The following CAMSAP2 variants were observed in gnomAD, a reference collection of about 807,000 sequenced individuals.
CAMSAP2 encodes calmodulin regulated spectrin associated protein family member 2.
CAMSAP2 carries 26 observed loss-of-function variants against 146.1 expected under a neutral mutation model. The ratio of observed to expected loss-of-function variants is 0.18; its 90% CI spans 0.13 to 0.25. CAMSAP2 has a LOEUF of 0.25. Ranked by LOEUF, CAMSAP2 falls within the 10% of genes least tolerant of loss-of-function variation. CAMSAP2 has a pLI of 1.00. For synonymous variants in CAMSAP2, 499 were observed against 596.6 expected, an observed-to-expected ratio of 0.84 and a Z score of 2.38; for missense variants, 1,381 against 1,759.3, an observed-to-expected ratio of 0.78 and a Z score of 3.85.
At chr1:200,777,263 G>A (rs1665306881) in intron 2 of CAMSAP2, among the ~76,000 whole-genome samples, 1 of 151,976 alleles carries the variant, frequency 6.6e-6, no homozygotes, top group South Asian at 2.1e-4. Context: ...TAAAGGGATG[G>A]GCCCCTTTAT....
In CAMSAP2 at chr1:200,857,963, T is replaced by C; in HGVS notation, c.4341T>C (p.Thr1447=). ...RKQFSHIPAK[T]LSASVDAITI... ...AGTTTAGCCACATACCCGCTAAAAC[T>C]TTATCTGCCAGTGTTGATGCAATTA... The change falls in exon 17 of 17, where the codon ACT becomes ACC. Residue 1447 remains threonine, a synonymous_variant. Transcript: ENST00000358823. This position sits in a 1 kb window ranked among gnomAD's most constrained non-coding sequence, Gnocchi z 4.7. The C allele has an allele frequency of 1.9e-6, 3 of 1,613,874 alleles. No homozygotes were observed. The highest frequency in any genetic ancestry group is 2.5e-6 in the Non-Finnish European group (3 of 1,179,814).
intron 1 of CAMSAP2, among the ~76,000 whole-genome samples, chr1:200,743,198 G>T (rs1195261308): frequency 3.3e-5 from 5 of 152,158 alleles, no homozygotes; most frequent in African/African-American, 7.2e-5. Context: ...TCCTTTGGGG[G>T]AAATGGTAGA....
chr1:200,785,930 T>C (rs1665577593), intron 2 of CAMSAP2, among the ~76,000 whole-genome samples: 1 of 152,142 alleles, frequency 6.6e-6, no homozygotes, highest in South Asian at 2.1e-4. Context: ...TCTCAAATGA[T>C]CCACCTGCCT....
chr1:200,846,222 G>A (rs1428377696), intron 8 of CAMSAP2, among the ~76,000 whole-genome samples: 1 of 152,154 alleles, frequency 6.6e-6, no homozygotes. Flanking sequence ...CTTCCTTGAA[G>A]ATTTAGAAAA....
At chr1:200,845,477 G>A (rs1164998073) in intron 8 of CAMSAP2, among the ~76,000 whole-genome samples, 2 of 152,038 alleles carry the variant, frequency 1.3e-5, no homozygotes, top group African/African-American at 4.8e-5. Flanking sequence ...TTAGTAGGCT[G>A]GTTAACTGTA....
At chr1:200,783,932 C>A (rs1412852486) in intron 2 of CAMSAP2, among the ~76,000 whole-genome samples, 1 of 151,842 alleles carries the variant, frequency 6.6e-6, no homozygotes, top group African/African-American at 2.4e-5. Flanking sequence ...GATTTTTTTC[C>A]CCTATGTTTT....
At chr1:200,839,267 T>A (rs1419015644) in intron 6 of CAMSAP2, among the ~76,000 whole-genome samples, 1 of 152,122 alleles carries the variant, frequency 6.6e-6, no homozygotes. Context: ...GTTAGGGGAA[T>A]GATGTGACTC....
rs1339630259 is a variant in CAMSAP2 at position 200,853,201 on chromosome 1, C to A, written c.3603-74C>A. On this transcript the variant is annotated intron_variant, in intron 12 of 16. Transcript: ENST00000358823. This position sits in a 1 kb window ranked among gnomAD's most constrained non-coding sequence, Gnocchi z 5.1. ...GAAATAGAATTCTCCTTTCTCATAT[C>A]AAATACATAACTCTCTCCTGTATGG... 6 of 1,292,456 alleles carry A rather than the reference C, an allele frequency of 4.6e-6. No homozygotes were observed. Among genetic ancestry groups the A allele is most frequent in the Non-Finnish European group, 6.5e-6 (6 of 917,262 alleles). 80.1% of individuals were successfully genotyped at this position (1,292,456 alleles called of 1,614,324 possible). A position where few individuals can be genotyped will look rare whatever the true frequency, so the allele number is the denominator to read the frequency against.
rs966848785 is a variant in CAMSAP2, at chr1:200,843,862, T to G, written c.1022-920T>G. 4.5e-3 allele frequency among the ~76,000 whole-genome samples: 683 copies of G among 151,796 alleles called. 7 individuals are homozygous for G. Among genetic ancestry groups the G allele is most frequent in the African/African-American group, 0.016 (658 of 41,248 alleles). ...TTGTTTTTTTTTTGTTTGTTTGTTT[T>G]TGTTTTGTTTTGTTTTGTTTTGTTT... is the stretch of plus-strand genomic sequence containing the variant. On this transcript the variant is annotated intron_variant, in intron 7 of 16. Transcript: ENST00000358823.
At chr1:200,775,925 G>C (rs1308864105) in intron 2 of CAMSAP2, among the ~76,000 whole-genome samples, 2 of 151,878 alleles carry the variant, frequency 1.3e-5, no homozygotes, top group Admixed American at 1.3e-4. Flanking sequence ...TAAGTACAGA[G>C]TGCTATGCCA....
At chr1:200,752,352 A>G (rs756718220) in intron 1 of CAMSAP2, among the ~76,000 whole-genome samples, 1 of 152,172 alleles carries the variant, frequency 6.6e-6, no homozygotes, top group Non-Finnish European at 1.5e-5. Flanking sequence ...GTAAATTATT[A>G]ACCTGGTTCT....
In CAMSAP2 at chr1:200,832,720, G is replaced by A; in HGVS notation, c.802G>A (p.Glu268Lys). The A allele has an allele frequency of 6.3e-7, 1 of 1,596,834 alleles. No homozygotes were observed. Among genetic ancestry groups the A allele is most frequent in the Non-Finnish European group, 8.5e-7 (1 of 1,174,504 alleles). The change falls in exon 6 of 17, where the codon GAA (glutamate) becomes AAA (lysine). Residue 268 changes from glutamate to lysine, a missense_variant. Glu to Lys is a moderately conservative substitution (Grantham distance 56). Coordinates refer to ENST00000358823, the MANE Select transcript of CAMSAP2 (RefSeq NM_203459.4). This position sits in a 1 kb window ranked among gnomAD's most constrained non-coding sequence, Gnocchi z 4.2. ...CTTATTTGAAGATATTTGTTTGAAA[G>A]AAACTATGTCTTTGGCTGATAGCCT... ...VVRLEDICLK[E>K]TMSLADSLYN...
At chr1:200,856,157 T>C in intron 15 of CAMSAP2, 32 bp downstream of exon 15, 1 of 1,472,828 alleles carries the variant, frequency 6.8e-7, no homozygotes, top group Non-Finnish European at 9.4e-7. Context: ...GAGAAACATT[T>C]GAATTTAACA....
At chr1:200,788,816 AT>A (rs35901761) in intron 2 of CAMSAP2, among the ~76,000 whole-genome samples, 45,988 of 138,138 alleles carry the variant, frequency 0.33, 8,016 homozygotes, top group East Asian at 0.52. Flanking sequence ...TGACTTTTGT[AT>A]TTTTTTTTTT....
chr1:200,770,417 AT>A (rs1244979428), intron 2 of CAMSAP2, among the ~76,000 whole-genome samples: 2 of 144,796 alleles, frequency 1.4e-5, no homozygotes, highest in African/African-American at 2.6e-5. Flanking sequence ...TCCCCCTACT[AT>A]TTCTTTTTTT....
intron 2 of CAMSAP2, among the ~76,000 whole-genome samples, chr1:200,788,830 T>C (rs1467173744): frequency 6.6e-6 from 1 of 151,470 alleles, no homozygotes. Flanking sequence ...TTTTTTTTTT[T>C]TAGTAGAGAC....
chr1:200,816,699 T>C lies in CAMSAP2; in HGVS notation c.645+1055T>C, dbSNP rs750626001. 3.9e-5 allele frequency among the ~76,000 whole-genome samples: 5 copies of C among 128,692 alleles called. 2 individuals are homozygous for C. Among genetic ancestry groups the C allele is most frequent in the Non-Finnish European group, 6.9e-5 (4 of 57,958 alleles). 84.4% of individuals were successfully genotyped at this position (128,692 alleles called of 152,430 possible). A position where few individuals can be genotyped will look rare whatever the true frequency, so the allele number is the denominator to read the frequency against. ...ATGTGTGTATATGTACATGCACACA[T>C]ATATGTGTATATATACACACGCACA... On this transcript the variant is annotated intron_variant, in intron 4 of 16. Transcript: ENST00000358823.
chr1:200,843,162 A>G (rs1201737283), intron 7 of CAMSAP2, among the ~76,000 whole-genome samples: 1 of 152,110 alleles, frequency 6.6e-6, no homozygotes, highest in African/African-American at 2.4e-5. Context: ...ACTACTTAGC[A>G]GCTTTCCTTG....
Position 200,815,660 on chromosome 1 carries a change from A to G in CAMSAP2, c.645+16A>G. On this transcript the variant is annotated intron_variant, in intron 4 of 16. Coordinates refer to ENST00000358823, the MANE Select transcript of CAMSAP2 (RefSeq NM_203459.4). ...AGGTCAAAAGGTATTTATTTCAAAA[A>G]CAAAAAGGTGCCTTTATGAGACTGT... The G allele has an allele frequency of 7.0e-7, 1 of 1,428,854 alleles. No individual in the cohort carries two copies. The highest frequency in any genetic ancestry group is 9.5e-7 in the Non-Finnish European group (1 of 1,047,958). 88.5% of individuals were successfully genotyped at this position (1,428,854 alleles called of 1,614,324 possible). A position where few individuals can be genotyped will look rare whatever the true frequency, so the allele number is the denominator to read the frequency against.
Sources: allele counts gnomAD v4.1 joint callset (sites outside exome capture counted in the v4.1 genomes callset), GRCh38; gene constraint gnomAD v4.1.1; non-coding constraint Gnocchi (gnomAD v3.1); transcripts MANE v1.5; gene names NCBI Gene and HGNC (gene_info 2026-07-23, HGNC 2026-07-21).